The following PSEN1 variants were observed in gnomAD, a reference collection of about 807,000 sequenced individuals.
PSEN1 encodes presenilin-1.
Under a neutral mutation model 53.5 loss-of-function variants are expected in PSEN1, and 15 were observed. The observed-to-expected ratio is 0.28, with a 90% CI of 0.19 to 0.43. The LOEUF is 0.43. PSEN1 is among the 20% of genes least tolerant of loss of function. The pLI, the probability that PSEN1 is intolerant of heterozygous loss-of-function variation, is 1.00. For synonymous variants in PSEN1, 208 were observed against 209.8 expected (o/e 0.99, Z 0.08); for missense variants, 387 against 571.2 (o/e 0.68, Z 3.29).
Position 73,170,830 on chromosome 14 carries a change from AGAC to A in PSEN1, c.123_125del (p.Arg42del). On this transcript the variant is annotated inframe_deletion, in exon 4 of 12. Coordinates refer to ENST00000324501, the MANE Select transcript of PSEN1 (RefSeq NM_000021.4). The stretch of plus-strand genomic sequence containing the variant: ...TAGAGAACGGCAGGAGCACAACGAC[AGAC>A]GGAGCCTTGGCCACCCTGAGCCATT... The A allele has an allele frequency of 6.2e-7, 1 of 1,614,224 alleles. No individual in the cohort carries two copies. Among genetic ancestry groups the A allele is most frequent in the Non-Finnish European group, 8.5e-7 (1 of 1,180,016 alleles).
At chr14:73,154,786 A>G (rs911853041) in intron 3 of PSEN1, among the ~76,000 whole-genome samples, 1 of 152,242 alleles carries the variant, frequency 6.6e-6, no homozygotes, top group African/African-American at 2.4e-5. Context: ...TAAGAAATAG[A>G]AATGGCAATA....
At position 73,171,619 on chromosome 14, in the gene PSEN1, T is replaced by C. The variant is rs867930746; in HGVS notation, c.338+572T>C. ...CCCTGCTGCTGTGTTCTTCCCCTACTGACTAGGGTTAGACTGCACAGGCTA... is the reference window on the plus strand; with the variant it reads ...CCCTGCTGCTGTGTTCTTCCCCTACCGACTAGGGTTAGACTGCACAGGCTA... On this transcript the variant is annotated intron_variant, in intron 4 of 11. Coordinates refer to ENST00000324501, the MANE Select transcript of PSEN1 (RefSeq NM_000021.4). Among the ~76,000 whole-genome samples the C allele has an allele frequency of 3.3e-5, 5 of 152,336 alleles. No individual in the cohort carries two copies. The South Asian group carries it at 1.0e-3, about 32-fold the overall frequency.
In PSEN1 at chr14:73,146,182, ATCT is replaced by A. The variant is rs1316641978; in HGVS notation, c.-135-1611_-135-1609del. The A allele has an allele frequency of 1.2e-3, 169 of 140,624 alleles. 1 individual carries two copies. Among genetic ancestry groups the A allele is most frequent in the African/African-American group, 4.2e-3 (165 of 39,108 alleles). 8.7% of individuals were successfully genotyped at this position (140,624 alleles called of 1,614,324 possible). On this transcript the variant is annotated intron_variant, in intron 1 of 11. Coordinates refer to ENST00000324501, the MANE Select transcript of PSEN1 (RefSeq NM_000021.4). ...TCCCACAAAAATCTAGTTTTAAAAA[ATCT>A]TTTTTTTTTTTTTTTTTTTTAAAAA...
At chr14:73,158,277 T>A (rs553546038) in intron 3 of PSEN1, among the ~76,000 whole-genome samples, 160 of 145,574 alleles carry the variant, frequency 1.1e-3, no homozygotes, top group Middle Eastern at 0.01. Context: ...ATATTTAACT[T>A]TTTTTTCTAT....
chr14:73,193,081 C>T (rs1009110060), intron 7 of PSEN1, among the ~76,000 whole-genome samples: 8 of 152,040 alleles, frequency 5.3e-5, no homozygotes, highest in Non-Finnish European at 1.2e-4. Flanking sequence ...GAGGCTGAGG[C>T]GGGCAGATCA....
At chr14:73,168,983 A>C (rs892941276) in intron 3 of PSEN1, 9 of 152,290 alleles carry the variant, frequency 5.9e-5, no homozygotes, top group Admixed American at 2.0e-4. Flanking sequence ...TCGCTTGCAC[A>C]CTGCCTCTTG....
rs1268905559 is a variant in PSEN1 at position 73,178,971 on chromosome 14, A to G, written c.480+5264A>G. ...AATTCGGTTGTCAGGGTCGGTGTGT[A>G]CTGTTGAGGATCATATCCATACTCA... On this transcript the variant is annotated intron_variant, in intron 5 of 11. Coordinates refer to ENST00000324501, the MANE Select transcript of PSEN1 (RefSeq NM_000021.4). Among the ~76,000 whole-genome samples the G allele has an allele frequency of 2.6e-5, 4 of 152,260 alleles. No individual in the cohort carries two copies. The East Asian group carries it at 7.7e-4, about 29-fold the overall frequency.
chr14:73,206,345 G>A, intron 8 of PSEN1, 41 bp from the exon 9 acceptor site: 1 of 1,415,994 alleles, frequency 7.1e-7, no homozygotes, highest in African/African-American at 1.4e-5. Context: ...TGCATACTTT[G>A]TGTGTCCAGT....
chr14:73,189,809 TG>T, intron 6 of PSEN1: 1 of 255,122 alleles, frequency 3.9e-6, no homozygotes, highest in Non-Finnish European at 8.2e-6. Flanking sequence ...CCCCTTAAGC[TG>T]AGCAGTGTGG....
At chr14:73,208,007 G>T (rs927495267) in intron 9 of PSEN1, among the ~76,000 whole-genome samples, 2 of 152,208 alleles carry the variant, frequency 1.3e-5, no homozygotes, top group African/African-American at 4.8e-5. Context: ...GGAAAGAATT[G>T]CCACAAGCCT....
Position 73,219,128 on chromosome 14 carries a change from C to A in PSEN1, c.1249-6C>A. ...TGAATGTGTGTCTTTCCCATCTTCT[C>A]CACAGGGTTTGTGCCTTACATTATT... On this transcript the variant is annotated splice_polypyrimidine_tract_variant and splice_region_variant and intron_variant, in intron 11 of 11. Transcript: ENST00000324501. 1.9e-6 allele frequency: 3 copies of A among 1,613,840 alleles called. No individual in the cohort carries two copies. Among genetic ancestry groups the A allele is most frequent in the Non-Finnish European group, 2.5e-6 (3 of 1,179,724 alleles).
intron 3 of PSEN1, among the ~76,000 whole-genome samples, chr14:73,164,293 G>A (rs1312190684): frequency 2.0e-5 from 3 of 152,128 alleles, no homozygotes; most frequent in African/African-American, 7.2e-5. Context: ...TCAACATTTG[G>A]GAGACAGAAT....
At chr14:73,204,148 A>G (rs1473358798) in intron 8 of PSEN1, among the ~76,000 whole-genome samples, 3 of 151,956 alleles carry the variant, frequency 2.0e-5, no homozygotes, top group Non-Finnish European at 4.4e-5. Flanking sequence ...ATAGACATGC[A>G]CCACCACACC....
chr14:73,168,641 C>G (rs952127241), intron 3 of PSEN1: 1 of 152,280 alleles, frequency 6.6e-6, no homozygotes, highest in East Asian at 1.9e-4. Flanking sequence ...CTTCCCATAC[C>G]ATCCCTTTTT....
At position 73,192,848 on chromosome 14, in the gene PSEN1, T is replaced by C. The variant is rs754037857; in HGVS notation, c.753T>C (p.Ala251=). Residue 251 remains alanine, a synonymous_variant, in exon 7 of 12, where the codon GCT becomes GCC. Coordinates refer to ENST00000324501, the MANE Select transcript of PSEN1 (RefSeq NM_000021.4). ...LPEWTAWLIL[A]VISVYDLVAV... ...AATGGACTGCGTGGCTCATCTTGGC[T>C]GTGATTTCAGTATATGGTAAAACCC... is the stretch of plus-strand genomic sequence containing the variant. 3 of 1,612,108 alleles carry C rather than the reference T, an allele frequency of 1.9e-6. No homozygotes were observed. In the South Asian group the frequency reaches 3.3e-5, roughly 18 times the overall value.
chr14:73,196,303 AGGGCAGACTTC>A (rs1898935696), intron 7 of PSEN1, among the ~76,000 whole-genome samples: 1 of 152,024 alleles, frequency 6.6e-6, no homozygotes, highest in Non-Finnish European at 1.5e-5. Context: ...ACTTCAGAGC[AGGGCAGACTTC>A]TCATTCAAAC....
intron 5 of PSEN1, among the ~76,000 whole-genome samples, chr14:73,178,399 G>C (rs956166114): frequency 4.7e-5 from 7 of 149,702 alleles, no homozygotes; most frequent in Admixed American, 4.7e-4. Flanking sequence ...TGTTGGCCAG[G>C]CTGGTCTTAA....
chr14:73,218,723 TGCCCCCGCACAGCATAGAGAA>T (rs1043673363), intron 11 of PSEN1, among the ~76,000 whole-genome samples: 15 of 146,382 alleles, frequency 1.0e-4, no homozygotes, highest in Non-Finnish European at 1.8e-4. Context: ...GCATAGAGAA[TGCCCCCGCACAGCATAGAGAA>T]GCCCCCGCAC....
Position 73,219,562 on chromosome 14 carries a change from T to A in PSEN1, c.*273T>A. On this transcript the variant is annotated 3_prime_UTR_variant, in exon 12 of 12. Coordinates refer to ENST00000324501, the MANE Select transcript of PSEN1 (RefSeq NM_000021.4). ...TTTGAGGGACGAGGTCAAGGAGATATGATAGGCCCGGAAGTTGCTGTGCCC... is the reference window on the plus strand; with the variant it reads ...TTTGAGGGACGAGGTCAAGGAGATAAGATAGGCCCGGAAGTTGCTGTGCCC... The A allele has an allele frequency of 2.2e-6, 1 of 450,332 alleles. No individual in the cohort carries two copies. The highest frequency in any genetic ancestry group is 2.1e-5 in the South Asian group (1 of 47,582). The allele number at this position is 450,332 out of a possible 1,614,324, so 27.9% of individuals were successfully genotyped here.
Sources: gnomAD v4.1 joint callset for allele counts (sites outside exome capture counted in the v4.1 genomes callset) on GRCh38, gnomAD v4.1.1 for gene constraint, MANE v1.5 for transcripts, NCBI Gene and HGNC (gene_info 2026-07-23, HGNC 2026-07-21) for gene names.